RBMS3: variants seen among roughly 807,000 people sequenced by gnomAD.
RBMS3 encodes RNA-binding motif, single-stranded-interacting protein 3.
In RBMS3, 27 loss-of-function variants were observed where a neutral mutation model predicts 66.8. The ratio of observed to expected loss-of-function variants is 0.40; its 90% CI spans 0.30 to 0.56. The LOEUF is 0.56. Among genes scored for constraint, RBMS3 ranks in the 20% least tolerant of loss-of-function variants. The pLI is 0.40. For synonymous variants in RBMS3, 188 were observed against 183.0 expected (o/e 1.03, Z -0.22); for missense variants, 513 against 549.5 (o/e 0.93, Z 0.66).
chr3:29,654,162 A>T (rs951540704), intron 4 of RBMS3, among the ~76,000 whole-genome samples: 1 of 152,150 alleles, frequency 6.6e-6, no homozygotes, highest in African/African-American at 2.4e-5. Context: ...TTGAAATGAA[A>T]AGATAGGGAA....
intron 14 of RBMS3, among the ~76,000 whole-genome samples, chr3:30,002,250 T>G (rs1699645699): frequency 6.6e-6 from 1 of 152,042 alleles, no homozygotes; most frequent in Non-Finnish European, 1.5e-5. Flanking sequence ...AGGTATTCTA[T>G]GCACTGTAGT....
chr3:29,763,647 C>A (rs1346499192), intron 6 of RBMS3, among the ~76,000 whole-genome samples: 3 of 151,932 alleles, frequency 2.0e-5, no homozygotes, highest in Non-Finnish European at 4.4e-5. Context: ...TAATTTTATG[C>A]TATTAAGAAT....
intron 2 of RBMS3, among the ~76,000 whole-genome samples, chr3:29,488,095 A>T (rs1180830295): frequency 6.6e-6 from 1 of 152,200 alleles, no homozygotes; most frequent in Admixed American, 6.5e-5. Flanking sequence ...TCAGAGCTGG[A>T]TGCAAACCCT....
chr3:29,297,367 T>C (rs2033345558), intron 1 of RBMS3, among the ~76,000 whole-genome samples: 1 of 151,830 alleles, frequency 6.6e-6, no homozygotes, highest in Non-Finnish European at 1.5e-5. Context: ...TTATTAGTGA[T>C]AATGGTAAGG....
chr3:29,388,084 GACACAC>G (rs55679426), intron 1 of RBMS3, among the ~76,000 whole-genome samples: 135 of 146,990 alleles, frequency 9.2e-4, no homozygotes, highest in African/African-American at 1.5e-3. Context: ...CACACACACA[GACACAC>G]ACACACACAC....
rs35770680 is a variant in RBMS3, at chr3:29,363,799, TAA to T, written c.76-70929_76-70928del. 3.6e-3 allele frequency among the ~76,000 whole-genome samples: 509 copies of T among 142,764 alleles called. 1 individual carries two copies. Among genetic ancestry groups the T allele is most frequent in the Middle Eastern group, 0.014 (4 of 280 alleles). The allele number at this position is 142,764 out of a possible 152,430, so 93.7% of individuals were successfully genotyped here. A position where few individuals can be genotyped will look rare whatever the true frequency, so the allele number is the denominator to read the frequency against. ...AGTGAGACTCTGTCTCAAAAACAAT[TAA>T]AAAAAAAAAAAAAACCTGTTTTTTA... On this transcript the variant is annotated intron_variant, in intron 1 of 14. Transcript: ENST00000383767.
chr3:29,661,964 G>A (rs919975466), intron 4 of RBMS3, among the ~76,000 whole-genome samples: 2 of 152,158 alleles, frequency 1.3e-5, no homozygotes, highest in African/African-American at 2.4e-5. Flanking sequence ...ACAATGTACC[G>A]CAAACATTGT....
At chr3:29,463,259 C>G (rs1252415603) in intron 2 of RBMS3, among the ~76,000 whole-genome samples, 2 of 152,144 alleles carry the variant, frequency 1.3e-5, no homozygotes, top group Non-Finnish European at 2.9e-5. Flanking sequence ...CCAATGAGTA[C>G]TTGTACCTAT....
chr3:29,629,576 T>C (rs1366362886), intron 4 of RBMS3, among the ~76,000 whole-genome samples: 1 of 152,070 alleles, frequency 6.6e-6, no homozygotes, highest in Non-Finnish European at 1.5e-5. Context: ...AATGAGCAGA[T>C]TCAGATAGCA....
chr3:29,322,859 T>C (rs1361835877), intron 1 of RBMS3, among the ~76,000 whole-genome samples: 1 of 152,066 alleles, frequency 6.6e-6, no homozygotes, highest in Non-Finnish European at 1.5e-5. Flanking sequence ...CAATGAATAG[T>C]ATGGAGAATT....
intron 4 of RBMS3, among the ~76,000 whole-genome samples, chr3:29,709,694 TG>T (rs1335643104): frequency 3.3e-5 from 5 of 152,212 alleles, no homozygotes; most frequent in Non-Finnish European, 7.3e-5. Context: ...CTCTTATGTT[TG>T]TCCCCGAAGT....
chr3:29,458,601 C>A (rs1370786), intron 2 of RBMS3, among the ~76,000 whole-genome samples: 95,086 of 151,978 alleles, frequency 0.63, 30,956 homozygotes, highest in African/African-American at 0.8. Flanking sequence ...GTTTTTAAAA[C>A]TTCAAGTTAT....
chr3:29,559,311 G>A (rs528129022), intron 3 of RBMS3, among the ~76,000 whole-genome samples: 12 of 151,794 alleles, frequency 7.9e-5, no homozygotes, highest in East Asian at 1.9e-4. Flanking sequence ...ATTAACTCAA[G>A]TGCCAGCTAT....
chr3:29,413,423 T>C (rs7632769), intron 1 of RBMS3, among the ~76,000 whole-genome samples: 42,562 of 118,942 alleles, frequency 0.36, 6,347 homozygotes, highest in African/African-American at 0.43. Flanking sequence ...CATACATACA[T>C]ACACAGAGTT....
At chr3:29,691,949 A>ATTTTTTTTTTT (rs1294126975) in intron 4 of RBMS3, among the ~76,000 whole-genome samples, 1,667 of 64,826 alleles carry the variant, frequency 0.026, 344 homozygotes, top group African/African-American at 0.096. Flanking sequence ...CTCTCTCTCT[A>ATTTTTTTTTTT]TTTTTTTTTT....
chr3:29,492,105 T>C (rs1175670516), intron 3 of RBMS3, among the ~76,000 whole-genome samples: 1 of 152,198 alleles, frequency 6.6e-6, no homozygotes, highest in Non-Finnish European at 1.5e-5. Context: ...CCCATTGCCT[T>C]GCTTATCCTC....
At chr3:29,527,969 T>C (rs999935914) in intron 3 of RBMS3, among the ~76,000 whole-genome samples, 82 of 152,140 alleles carry the variant, frequency 5.4e-4, no homozygotes, top group African/African-American at 1.9e-3. Context: ...AGATATAATC[T>C]AAAAATTCTT....
At chr3:29,721,001 A>G (rs566924629) in intron 4 of RBMS3, among the ~76,000 whole-genome samples, 5 of 152,190 alleles carry the variant, frequency 3.3e-5, no homozygotes, top group Non-Finnish European at 7.3e-5. Context: ...GAAGAATCTG[A>G]ATGTCATGTG....
chr3:29,717,591 A>G (rs983752011), intron 4 of RBMS3, among the ~76,000 whole-genome samples: 1 of 152,148 alleles, frequency 6.6e-6, no homozygotes, highest in African/African-American at 2.4e-5. Context: ...CTAGATTGCT[A>G]ATTTTTAAAA....
Sources: gnomAD v4.1 joint callset for allele counts (sites outside exome capture counted in the v4.1 genomes callset) on GRCh38, gnomAD v4.1.1 for gene constraint, MANE v1.5 for transcripts, NCBI Gene and HGNC (gene_info 2026-07-23, HGNC 2026-07-21) for gene names.